Variants in SHISA9 observed in about 807,000 individuals in gnomAD.
The protein encoded by SHISA9 is protein shisa-9.
SHISA9 carries 13 observed loss-of-function variants against 38.0 expected under a neutral mutation model. The ratio of observed to expected loss-of-function variants is 0.34; its 90% confidence interval spans 0.22 to 0.54. The LOEUF (loss-of-function observed/expected upper bound fraction) is 0.54. SHISA9 is among the 20% of genes least tolerant of loss of function. SHISA9 has a pLI of 0.91. For synonymous variants in SHISA9, 275 were observed against 242.0 expected (o/e 1.14, Z -1.27); for missense variants, 538 against 575.8 (o/e 0.93, Z 0.67).
At chr16:12,938,812 G>C (rs965567319) in intron 2 of SHISA9, among the ~76,000 whole-genome samples, 5 of 151,904 alleles carry the variant, frequency 3.3e-5, no homozygotes, top group African/African-American at 1.2e-4. Flanking sequence ...GACTTTCCAT[G>C]CCATGTTGCC....
chr16:13,231,585 G>A (rs530309729), intron 4 of SHISA9, among the ~76,000 whole-genome samples: 1 of 152,338 alleles, frequency 6.6e-6, no homozygotes, highest in East Asian at 1.9e-4. Flanking sequence ...AGAATTTAAA[G>A]AGGAAGTTTC....
intron 2 of SHISA9, among the ~76,000 whole-genome samples, chr16:13,143,168 G>T (rs2050417228): frequency 6.6e-6 from 1 of 151,780 alleles, no homozygotes; most frequent in Non-Finnish European, 1.5e-5. Flanking sequence ...ACCAGGCCTG[G>T]CTAACTATTT....
chr16:13,176,189 G>T (rs754381359), intron 2 of SHISA9, among the ~76,000 whole-genome samples: 4 of 151,512 alleles, frequency 2.6e-5, no homozygotes, highest in Non-Finnish European at 5.9e-5. Flanking sequence ...CTTTATCCTT[G>T]TCCCTAAGAC....
the SHISA9 span, among the ~76,000 whole-genome samples, chr16:13,426,300 T>C: frequency 6.6e-6 from 1 of 152,188 alleles, no homozygotes. Flanking sequence ...TTCCATTTTA[T>C]GCACAGAAAA....
intron 2 of SHISA9, among the ~76,000 whole-genome samples, chr16:13,102,498 A>G (rs1485554021): frequency 6.6e-6 from 1 of 152,194 alleles, no homozygotes; most frequent in Non-Finnish European, 1.5e-5. Flanking sequence ...TGGAACACTG[A>G]GAGGCAAGGG....
In SHISA9 at chr16:13,026,518, A is replaced by G. The variant is rs1386004502; in HGVS notation, c.691+109703A>G. Among the ~76,000 whole-genome samples, 5 of 152,224 alleles carry G rather than the reference A, an allele frequency of 3.3e-5. 1 individual carries two copies. The highest frequency in any genetic ancestry group is 9.6e-5 in the African/African-American group (4 of 41,452). ...TCGTTTCTGTATCTTAGCTTTTGTG[A>G]ATAATGCTGCAATGGACATGGGAGT... On this transcript the variant is annotated intron_variant, in intron 2 of 4. Transcript: ENST00000558583.
At chr16:13,258,015 TTG>T in the SHISA9 span, among the ~76,000 whole-genome samples, 4 of 152,214 alleles carry the variant, frequency 2.6e-5, no homozygotes, top group African/African-American at 9.7e-5. Flanking sequence ...TGGACAATAA[TTG>T]TGCATTTTCT....
chr16:12,923,931 G>T (rs1401050498), intron 2 of SHISA9, among the ~76,000 whole-genome samples: 1 of 152,180 alleles, frequency 6.6e-6, no homozygotes, highest in African/African-American at 2.4e-5. Context: ...CGACTCCACA[G>T]CTTGCACATG....
chr16:13,516,350 T>C, the SHISA9 span, among the ~76,000 whole-genome samples: 114 of 152,352 alleles, frequency 7.5e-4, no homozygotes, highest in African/African-American at 2.7e-3. Flanking sequence ...AACATGTTTT[T>C]AAATTTTTTT....
At chr16:13,334,435 A>G in the SHISA9 span, among the ~76,000 whole-genome samples, 1 of 152,126 alleles carries the variant, frequency 6.6e-6, no homozygotes, top group Non-Finnish European at 1.5e-5. Flanking sequence ...CCTCTGTAGA[A>G]TTGGGGCAAG....
intron 2 of SHISA9, among the ~76,000 whole-genome samples, chr16:12,992,593 C>T (rs1445986101): frequency 6.6e-6 from 1 of 152,026 alleles, no homozygotes; most frequent in Non-Finnish European, 1.5e-5. Context: ...TGCCCCAGGT[C>T]ACAAGATAAG....
chr16:13,108,197 C>T (rs549091066), intron 2 of SHISA9, among the ~76,000 whole-genome samples: 99 of 151,956 alleles, frequency 6.5e-4, no homozygotes, highest in African/African-American at 2.3e-3. Flanking sequence ...GTCCTGACCA[C>T]GCCTCACTGA....
At chr16:13,497,421 C>T in the SHISA9 span, among the ~76,000 whole-genome samples, 1 of 152,118 alleles carries the variant, frequency 6.6e-6, no homozygotes, top group Non-Finnish European at 1.5e-5. Context: ...TGTGGTGGCT[C>T]ACACCTGTAA....
At chr16:13,351,387 AG>A in the SHISA9 span, among the ~76,000 whole-genome samples, 2 of 152,218 alleles carry the variant, frequency 1.3e-5, no homozygotes, top group Non-Finnish European at 2.9e-5. Context: ...GGTGGGTGGC[AG>A]GAAAGGCAGA....
chr16:13,445,323 T>A, the SHISA9 span, among the ~76,000 whole-genome samples: 2 of 152,122 alleles, frequency 1.3e-5, no homozygotes, highest in Non-Finnish European at 2.9e-5. Context: ...TCTCAAGAGA[T>A]GTTTGCTGAA....
chr16:13,257,344 A>T, the SHISA9 span, among the ~76,000 whole-genome samples: 2 of 152,160 alleles, frequency 1.3e-5, no homozygotes, highest in Non-Finnish European at 2.9e-5. Context: ...TTACGTGACA[A>T]GTTATTTAAC....
rs191486612 is a variant in SHISA9 at position 13,197,864 on chromosome 16, A to G, written c.692-5530A>G. On this transcript the variant is annotated intron_variant, in intron 2 of 4. Transcript: ENST00000558583. ...AGAGTGAGACATGTTACTGGATTCC[A>G]TCTATTGCTATGACTGTGGAAAAGA... Among the ~76,000 whole-genome samples, 67 of 152,274 alleles carry G rather than the reference A, an allele frequency of 4.4e-4. 2 individuals carry two copies. The highest frequency in any genetic ancestry group is 1.5e-3 in the African/African-American group (62 of 41,562).
chr16:13,551,112 A>C, the SHISA9 span, among the ~76,000 whole-genome samples: 1 of 146,868 alleles, frequency 6.8e-6, no homozygotes, highest in African/African-American at 2.6e-5. Flanking sequence ...CGACAGTGAG[A>C]GACTCCATCT....
At chr16:13,138,446 A>C (rs2050369290) in intron 2 of SHISA9, among the ~76,000 whole-genome samples, 1 of 152,164 alleles carries the variant, frequency 6.6e-6, no homozygotes, top group Admixed American at 6.5e-5. Flanking sequence ...TAAGCTTTTG[A>C]TAACAGGGGC....
Sources: gnomAD v4.1 joint callset for allele counts (sites outside exome capture counted in the v4.1 genomes callset) on GRCh38, gnomAD v4.1.1 for gene constraint, MANE v1.5 for transcripts, NCBI Gene and HGNC (gene_info 2026-07-23, HGNC 2026-07-21) for gene names.